The following VWA8 variants were observed in gnomAD, a reference collection of about 807,000 sequenced individuals.
VWA8 encodes von Willebrand factor A domain-containing protein 8.
Under a neutral mutation model 241.5 loss-of-function variants are expected in VWA8, and 221 were observed. The ratio of observed to expected loss-of-function variants is 0.91; its 90% CI spans 0.82 to 1.02. VWA8 has a LOEUF of 1.02. Among genes scored for constraint, VWA8 ranks in the 50% least tolerant of loss-of-function variants. The pLI is 0.00. For missense variants in VWA8, 2,322 were observed against 2,328.7 expected (o/e 1.00, Z 0.06); for synonymous variants, 852 against 827.1 (o/e 1.03, Z -0.52).
chr13:41,869,631 C>CAAAAAAAAAAAAAAAAAAAAA (rs532296102), intron 9 of VWA8, among the ~76,000 whole-genome samples: 1 of 40,270 alleles, frequency 2.5e-5, no homozygotes, highest in African/African-American at 1.0e-4. Flanking sequence ...AACTTTGTCT[C>CAAAAAAAAAAAAAAAAAAAAA]AAAAAAAAAA....
chr13:41,650,323 T>C (rs34635789), intron 37 of VWA8, among the ~76,000 whole-genome samples: 3,406 of 152,322 alleles, frequency 0.022, 39 homozygotes, highest in South Asian at 0.052. Context: ...AGAGGTTAAA[T>C]GATAGCCTAA....
At chr13:41,622,406 CCTTT>C (rs759222879) in intron 37 of VWA8, among the ~76,000 whole-genome samples, 15 of 152,122 alleles carry the variant, frequency 9.9e-5, no homozygotes, top group Admixed American at 2.0e-4. Flanking sequence ...GAATGTACTT[CCTTT>C]GAGAGCTGGT....
chr13:41,937,724 T>G (rs1877416450), intron 2 of VWA8, among the ~76,000 whole-genome samples: 1 of 152,208 alleles, frequency 6.6e-6, no homozygotes, highest in African/African-American at 2.4e-5. Flanking sequence ...ATGATGCATT[T>G]CTCAGAAGAC....
chr13:41,722,419 C>G (rs1364645356), intron 24 of VWA8, among the ~76,000 whole-genome samples: 1 of 151,962 alleles, frequency 6.6e-6, no homozygotes, highest in African/African-American at 2.4e-5. Context: ...ATGAGGATAT[C>G]TAGTAAGGTA....
At chr13:41,770,155 T>C (rs931132597) in intron 20 of VWA8, among the ~76,000 whole-genome samples, 1 of 151,896 alleles carries the variant, frequency 6.6e-6, no homozygotes, top group African/African-American at 2.4e-5. Context: ...GTGTAAGAAA[T>C]TGTAGTTTGA....
At chr13:41,632,239 G>A (rs1784999124) in intron 37 of VWA8, among the ~76,000 whole-genome samples, 1 of 152,162 alleles carries the variant, frequency 6.6e-6, no homozygotes. Flanking sequence ...TTGGCCTGGT[G>A]ACTTCAATCT....
chr13:41,868,347 T>G lies in VWA8; in HGVS notation c.1211A>C (p.Lys404Thr). 3 of 1,613,874 alleles carry G rather than the reference T, an allele frequency of 1.9e-6. No homozygotes were observed. In the South Asian group the frequency reaches 3.3e-5, roughly 18 times the overall value. ...AAGAATAAACCTGTGATTAATTACC[T>G]TAATGGTCACCTCTTTATCTGCAAT... The part of the protein sequence containing the change: ...IRIADKEVTI[K>T]VPAGTRLLSQ... The change falls in exon 10 of 45, where the codon AAG (lysine) becomes ACG (threonine). Residue 404 changes from lysine to threonine, a missense_variant and splice_region_variant. Lys to Thr is a moderately conservative substitution (Grantham distance 78). Transcript: ENST00000379310.
At chr13:41,734,016 G>C (rs2045505748) in intron 21 of VWA8, among the ~76,000 whole-genome samples, 1 of 152,186 alleles carries the variant, frequency 6.6e-6, no homozygotes, top group Non-Finnish European at 1.5e-5. Context: ...TGTTGGGTCA[G>C]AGTAAGTCTA....
intron 19 of VWA8, among the ~76,000 whole-genome samples, chr13:41,779,155 A>G (rs1308548371): frequency 2.0e-5 from 3 of 148,240 alleles, no homozygotes; most frequent in Admixed American, 6.7e-5. Flanking sequence ...TCTTTTTTCA[A>G]TTTCGTTTAT....
chr13:41,958,316 G>T (rs1436316417), intron 1 of VWA8, among the ~76,000 whole-genome samples: 1 of 152,070 alleles, frequency 6.6e-6, no homozygotes, highest in African/African-American at 2.4e-5. Context: ...TGCTTACTAG[G>T]TACAAAGTGT....
chr13:41,892,153 A>T lies in VWA8; in HGVS notation c.484-566T>A, dbSNP rs189349995. 1.8e-4 allele frequency among the ~76,000 whole-genome samples: 27 copies of T among 152,350 alleles called. No individual in the cohort carries two copies. The East Asian group carries it at 4.4e-3, about 25-fold the overall frequency. ...CATTGGCCAATAGCAGACTGACTTA[A>T]CCAGTACTACAAGTCTTCCAATAAA... is the stretch of plus-strand genomic sequence containing the variant. On this transcript the variant is annotated intron_variant, in intron 4 of 44. Coordinates refer to ENST00000379310, the MANE Select transcript of VWA8 (RefSeq NM_015058.2).
intron 2 of VWA8, among the ~76,000 whole-genome samples, chr13:41,914,210 T>A (rs191828997): frequency 6.3e-4 from 96 of 152,274 alleles, no homozygotes; most frequent in African/African-American, 2.2e-3. Context: ...ACACAGTACA[T>A]AAGCAGATAT....
At position 41,853,515 on chromosome 13, in the gene VWA8, C is replaced by A. The variant is rs1462004278; in HGVS notation, c.1425+12221G>T. The stretch of plus-strand genomic sequence containing the variant: ...TTAAGCCATCACATAATAGGATTTT[C>A]TCTGGTGGCAGGTTTTTGATTACCG... On this transcript the variant is annotated intron_variant, in intron 12 of 44. Coordinates refer to ENST00000379310, the MANE Select transcript of VWA8 (RefSeq NM_015058.2). Among the ~76,000 whole-genome samples, 3 of 152,194 alleles carry A rather than the reference C, an allele frequency of 2.0e-5. No homozygotes were observed. The East Asian group carries it at 5.8e-4, about 29-fold the overall frequency.
chr13:41,668,418 T>A (rs914552444), intron 37 of VWA8, among the ~76,000 whole-genome samples: 1 of 152,100 alleles, frequency 6.6e-6, no homozygotes, highest in East Asian at 1.9e-4. Context: ...GTAAGCAGGG[T>A]ATGGAGAACC....
chr13:41,869,373 C>G (rs951212101), intron 9 of VWA8, among the ~76,000 whole-genome samples: 3 of 152,032 alleles, frequency 2.0e-5, no homozygotes, highest in Non-Finnish European at 4.4e-5. Context: ...GTAGCTCATG[C>G]CTGTAATCCC....
At chr13:41,735,789 CA>C (rs2045520269) in intron 21 of VWA8, among the ~76,000 whole-genome samples, 1 of 152,040 alleles carries the variant, frequency 6.6e-6, no homozygotes, top group South Asian at 2.1e-4. Flanking sequence ...TATAAAATTA[CA>C]AACTTTAAAT....
intron 37 of VWA8, among the ~76,000 whole-genome samples, chr13:41,640,452 A>C (rs1315379552): frequency 6.6e-5 from 10 of 151,884 alleles, no homozygotes; most frequent in Non-Finnish European, 4.4e-5. Context: ...ATAAACCTGA[A>C]TGTTTTAAGC....
chr13:41,817,890 T>C (rs1335766868), intron 15 of VWA8, among the ~76,000 whole-genome samples: 1 of 152,202 alleles, frequency 6.6e-6, no homozygotes, highest in Admixed American at 6.5e-5. Flanking sequence ...ATGAGCATTG[T>C]ATATATGCTG....
chr13:41,818,252 C>T (rs889865600), intron 15 of VWA8, among the ~76,000 whole-genome samples: 9 of 150,234 alleles, frequency 6.0e-5, no homozygotes, highest in African/African-American at 1.9e-4. Context: ...CATGAGCCAC[C>T]GCACCTGGCC....
Sources: gnomAD v4.1 joint callset for allele counts (sites outside exome capture counted in the v4.1 genomes callset) on GRCh38, gnomAD v4.1.1 for gene constraint, MANE v1.5 for transcripts, NCBI Gene and HGNC (gene_info 2026-07-23, HGNC 2026-07-21) for gene names.